The following RAD51B variants were observed in gnomAD, a reference collection of about 807,000 sequenced individuals.
RAD51B encodes the protein RAD51 paralog B, also known as DNA repair protein RAD51 homolog 2.
In RAD51B, 38 loss-of-function variants were observed where a neutral mutation model predicts 42.2. That is an observed-to-expected ratio of 0.90 (90% confidence interval 0.70 to 1.18). RAD51B has a LOEUF of 1.18. Among genes scored for constraint, RAD51B ranks in the 50% most tolerant of loss-of-function variants. RAD51B has a pLI of 0.00. For missense variants in RAD51B, 373 were observed against 400.7 expected (o/e 0.93, Z 0.59); for synonymous variants, 154 against 145.2 (o/e 1.06, Z -0.43).
At chr14:67,846,229 C>T (rs569450399) in intron 4 of RAD51B, among the ~76,000 whole-genome samples, 2 of 152,202 alleles carry the variant, frequency 1.3e-5, no homozygotes, top group Non-Finnish European at 2.9e-5. Flanking sequence ...GTGGTGTTGG[C>T]GCATGGGGTA....
intron 11 of RAD51B, among the ~76,000 whole-genome samples, chr14:68,677,759 G>A (rs998482891): frequency 8.5e-5 from 13 of 152,140 alleles, no homozygotes; most frequent in African/African-American, 2.9e-4. Context: ...ATCTAGCTAG[G>A]GCCATGATGG....
intron 10 of RAD51B, among the ~76,000 whole-genome samples, chr14:68,558,710 C>T (rs1410632846): frequency 6.6e-6 from 1 of 152,250 alleles, no homozygotes. Context: ...GGACACCAGC[C>T]GTATTGGATT....
chr14:67,964,115 A>C (rs73282477), intron 7 of RAD51B, among the ~76,000 whole-genome samples: 4,015 of 152,124 alleles, frequency 0.026, 177 homozygotes, highest in African/African-American at 0.091. Flanking sequence ...TGATGGGCAA[A>C]CAAGATGACA....
At chr14:68,228,726 G>A (rs903256001) in intron 7 of RAD51B, among the ~76,000 whole-genome samples, 3 of 152,172 alleles carry the variant, frequency 2.0e-5, no homozygotes, top group East Asian at 1.9e-4. Context: ...GTGGACACAC[G>A]TCAAATAATC....
chr14:68,204,824 T>C (rs897924220), intron 7 of RAD51B, among the ~76,000 whole-genome samples: 1 of 152,180 alleles, frequency 6.6e-6, no homozygotes, highest in African/African-American at 2.4e-5. Flanking sequence ...CCCAAATAAT[T>C]AATGAAGTAA....
chr14:67,993,950 A>G (rs1168006135), intron 7 of RAD51B, among the ~76,000 whole-genome samples: 1 of 152,176 alleles, frequency 6.6e-6, no homozygotes, highest in African/African-American at 2.4e-5. Flanking sequence ...TATGTTAATA[A>G]CTTAATATAT....
chr14:68,382,222 T>C (rs1432548826), intron 8 of RAD51B, among the ~76,000 whole-genome samples: 1 of 152,254 alleles, frequency 6.6e-6, no homozygotes, highest in African/African-American at 2.4e-5. Context: ...ATGGTATGTT[T>C]AGTAGCATTT....
exon 11 of RAD51B, chr14:68,595,159 C>T: frequency 1.9e-6 from 2 of 1,066,442 alleles, no homozygotes; most frequent in Admixed American, 5.3e-5. Context: ...ATTCTCTTCC[C>T]TCCCAATTAT....
intron 5 of RAD51B, among the ~76,000 whole-genome samples, chr14:67,871,541 T>C (rs1008588704): frequency 6.6e-6 from 1 of 152,152 alleles, no homozygotes; most frequent in African/African-American, 2.4e-5. Context: ...CTTCTGAAAC[T>C]ATTCCAATCA....
intron 7 of RAD51B, among the ~76,000 whole-genome samples, chr14:68,176,675 T>C (rs1415686005): frequency 2.6e-5 from 4 of 152,214 alleles, no homozygotes; most frequent in Non-Finnish European, 5.9e-5. Context: ...TAATATTTTA[T>C]ATTGAAGACT....
downstream of RAD51B, among the ~76,000 whole-genome samples, chr14:68,614,080 T>A (rs1180963023): frequency 6.6e-6 from 1 of 152,196 alleles, no homozygotes; most frequent in South Asian, 2.1e-4. Flanking sequence ...AAAGAACTCA[T>A]ACTGCAGGAA....
intron 7 of RAD51B, among the ~76,000 whole-genome samples, chr14:68,254,895 A>C (rs1293265222): frequency 3.3e-5 from 5 of 152,184 alleles, no homozygotes; most frequent in African/African-American, 1.2e-4. Context: ...TCAAGAGGCA[A>C]TTTAGGAGGA....
chr14:68,547,267 C>T (rs1180189220), intron 10 of RAD51B, among the ~76,000 whole-genome samples: 1 of 152,196 alleles, frequency 6.6e-6, no homozygotes, highest in East Asian at 1.9e-4. Context: ...GACCTTGTGT[C>T]GGGATTAACC....
chr14:68,311,400 C>A (rs968015923), intron 8 of RAD51B, among the ~76,000 whole-genome samples: 4 of 152,188 alleles, frequency 2.6e-5, no homozygotes, highest in African/African-American at 9.7e-5. Context: ...CCTAGGACAT[C>A]CTGAATTCTT....
At chr14:68,004,100 G>A (rs967431036) in intron 7 of RAD51B, among the ~76,000 whole-genome samples, 1 of 152,036 alleles carries the variant, frequency 6.6e-6, no homozygotes, top group Non-Finnish European at 1.5e-5. Context: ...GGAGGCCGAG[G>A]TGGGCGGATC....
At chr14:68,111,023 G>A (rs2077451445) in intron 7 of RAD51B, among the ~76,000 whole-genome samples, 1 of 152,030 alleles carries the variant, frequency 6.6e-6, no homozygotes, top group Non-Finnish European at 1.5e-5. Context: ...TTTATTTAGT[G>A]AGAATGTGGA....
At chr14:68,514,692 C>T (rs1246886139) in intron 10 of RAD51B, among the ~76,000 whole-genome samples, 2 of 152,080 alleles carry the variant, frequency 1.3e-5, no homozygotes, top group African/African-American at 4.8e-5. Flanking sequence ...TGGGATTTGC[C>T]TGGGGCTGGA....
At chr14:68,673,771 AC>A (rs1400667439) in intron 11 of RAD51B, among the ~76,000 whole-genome samples, 1 of 151,852 alleles carries the variant, frequency 6.6e-6, no homozygotes, top group African/African-American at 2.4e-5. Flanking sequence ...ACATCCACAC[AC>A]GTACACATAC....
At chr14:67,919,916 G>A (rs1452875641) in intron 7 of RAD51B, among the ~76,000 whole-genome samples, 1 of 152,168 alleles carries the variant, frequency 6.6e-6, no homozygotes, top group African/African-American at 2.4e-5. Flanking sequence ...CTGACTGTTG[G>A]ATTAGCTGAA....
Sources: allele counts gnomAD v4.1 joint callset (sites outside exome capture counted in the v4.1 genomes callset), GRCh38; gene constraint gnomAD v4.1.1; transcripts MANE v1.5; gene names NCBI Gene and HGNC (gene_info 2026-07-23, HGNC 2026-07-21).